CFAP54: variants seen among roughly 807,000 people sequenced by gnomAD.
CFAP54 encodes the protein cilia and flagella associated protein 54, also known as cilia- and flagella-associated protein 54.
Under a neutral mutation model 370.4 loss-of-function variants are expected in CFAP54, and 290 were observed. That is an observed-to-expected ratio of 0.78 (90% confidence interval 0.71 to 0.86). The LOEUF (loss-of-function observed/expected upper bound fraction) is 0.86. Among genes scored for constraint, CFAP54 ranks in the 40% least tolerant of loss-of-function variants. The pLI is 0.00. For missense variants in CFAP54, 3,399 were observed against 3,528.7 expected (o/e 0.96, Z 0.93); for synonymous variants, 1,206 against 1,236.5 (o/e 0.98, Z 0.52).
At chr12:96,627,772 A>T (rs993022037) in intron 30 of CFAP54, among the ~76,000 whole-genome samples, 2 of 152,246 alleles carry the variant, frequency 1.3e-5, no homozygotes, top group Non-Finnish European at 1.5e-5. Flanking sequence ...GTTCTATTAA[A>T]TTTTTTAAAA....
At chr12:96,730,832 C>T (rs1400198197) in intron 50 of CFAP54, among the ~76,000 whole-genome samples, 1 of 152,178 alleles carries the variant, frequency 6.6e-6, no homozygotes, top group East Asian at 1.9e-4. Context: ...AGCCTACAAG[C>T]TTTGACTGAA....
chr12:96,671,655 C>T (rs915134914), intron 39 of CFAP54, among the ~76,000 whole-genome samples: 52 of 152,302 alleles, frequency 3.4e-4, no homozygotes, highest in African/African-American at 1.1e-3. Flanking sequence ...GGCGTGGTGG[C>T]TTACGCCTGT....
chr12:96,686,239 A>G (rs1224702567), intron 42 of CFAP54, among the ~76,000 whole-genome samples: 2 of 152,144 alleles, frequency 1.3e-5, no homozygotes, highest in Non-Finnish European at 2.9e-5. Context: ...GCATGTCAAT[A>G]TCCTAATCTC....
chr12:96,679,789 A>T (rs950286912), intron 40 of CFAP54, 37 bp downstream of exon 40: 4 of 1,599,368 alleles, frequency 2.5e-6, no homozygotes, highest in African/African-American at 2.7e-5. Flanking sequence ...ATCTTTCTTT[A>T]TGTGGGGTGA....
At chr12:96,701,646 T>C (rs1487220304) in intron 46 of CFAP54, among the ~76,000 whole-genome samples, 1 of 151,980 alleles carries the variant, frequency 6.6e-6, no homozygotes, top group African/African-American at 2.4e-5. Flanking sequence ...TTGAGGGAAG[T>C]GAGCCATGGA....
intron 19 of CFAP54, among the ~76,000 whole-genome samples, chr12:96,570,772 G>T (rs372195155): frequency 6.6e-5 from 10 of 152,238 alleles, no homozygotes; most frequent in African/African-American, 2.2e-4. Context: ...TTTTCATTCA[G>T]TTTTGTCATA....
At position 96,851,606 on chromosome 12, in the gene CFAP54, A is replaced by G. The variant is rs149119281; in HGVS notation, c.9172-9213A>G. Among the ~76,000 whole-genome samples, 878 of 152,206 alleles carry G rather than the reference A, an allele frequency of 5.8e-3. 9 individuals are homozygous for G. Among genetic ancestry groups the G allele is most frequent in the African/African-American group, 0.02 (828 of 41,582 alleles). On this transcript the variant is annotated intron_variant, in intron 66 of 67. Transcript: ENST00000524981. ...TAAGAGAATCTGATAAAGTGGCTGG[A>G]TATAAAAATTAATAATTTCTTTCTT...
At chr12:96,820,509 CT>C (rs1959020452) in intron 65 of CFAP54, among the ~76,000 whole-genome samples, 1 of 152,080 alleles carries the variant, frequency 6.6e-6, no homozygotes, top group Non-Finnish European at 1.5e-5. Flanking sequence ...TACAGTTAGC[CT>C]TTGCAAAATG....
At chr12:96,490,617 G>A (rs1486718806) in intron 1 of CFAP54, among the ~76,000 whole-genome samples, 2 of 152,042 alleles carry the variant, frequency 1.3e-5, no homozygotes, top group African/African-American at 4.8e-5. Flanking sequence ...GCTTGAACCC[G>A]GGAGGCAGAG....
chr12:96,574,970 T>C (rs190874994), intron 19 of CFAP54, among the ~76,000 whole-genome samples: 3 of 152,290 alleles, frequency 2.0e-5, no homozygotes, highest in African/African-American at 7.2e-5. Flanking sequence ...ATTTAAAATA[T>C]TTTGTTTATG....
At chr12:96,793,339 C>T (rs1958722947) in intron 63 of CFAP54, among the ~76,000 whole-genome samples, 1 of 152,184 alleles carries the variant, frequency 6.6e-6, no homozygotes, top group Non-Finnish European at 1.5e-5. Context: ...TCTCCAATTC[C>T]ATCCAGGTTG....
At chr12:96,703,194 T>C (rs1224493862) in intron 46 of CFAP54, among the ~76,000 whole-genome samples, 1 of 152,190 alleles carries the variant, frequency 6.6e-6, no homozygotes, top group African/African-American at 2.4e-5. Flanking sequence ...AATAGTGTCC[T>C]TGGGAAGTGA....
chr12:96,722,384 A>G (rs1957767209), intron 50 of CFAP54, among the ~76,000 whole-genome samples: 1 of 152,214 alleles, frequency 6.6e-6, no homozygotes, highest in African/African-American at 2.4e-5. Flanking sequence ...AGAATTATCC[A>G]TGCAAATATC....
At chr12:96,492,120 G>A (rs941948348) in intron 1 of CFAP54, among the ~76,000 whole-genome samples, 2 of 152,120 alleles carry the variant, frequency 1.3e-5, no homozygotes, top group African/African-American at 4.8e-5. Context: ...TCCACTACCA[G>A]CGTTCCAGTC....
rs927416795 is a variant in CFAP54, at chr12:96,817,767, A to G, written c.8958-8A>G. 2 of 1,443,506 alleles carry G rather than the reference A, an allele frequency of 1.4e-6. No individual in the cohort carries two copies. 89.4% of individuals were successfully genotyped at this position (1,443,506 alleles called of 1,614,324 possible). A position where few individuals can be genotyped will look rare whatever the true frequency, so the allele number is the denominator to read the frequency against. ...CAAATAAAATACATATATATTTGTT[A>G]TTTTCAGGGTTATTGCAATTCATGA... On this transcript the variant is annotated splice_polypyrimidine_tract_variant and splice_region_variant and intron_variant, in intron 64 of 67. Transcript: ENST00000524981.
chr12:96,503,781 T>A (rs1955058932), intron 2 of CFAP54, 105 bp from the exon 3 acceptor site: 1 of 1,004,618 alleles, frequency 1.0e-6, no homozygotes, highest in African/African-American at 1.7e-5. Context: ...ATGGTATAAT[T>A]GTAATAATCA....
intron 32 of CFAP54, among the ~76,000 whole-genome samples, chr12:96,637,710 A>G (rs1461692343): frequency 2.6e-5 from 4 of 152,232 alleles, no homozygotes; most frequent in Admixed American, 2.6e-4. Flanking sequence ...AACCAAAAAG[A>G]TTCTATACAT....
At chr12:96,540,787 A>T in intron 13 of CFAP54, 50 bp from the exon 14 acceptor site, 1 of 1,200,936 alleles carries the variant, frequency 8.3e-7, no homozygotes, top group Non-Finnish European at 1.1e-6. Flanking sequence ...GACTGTTTCT[A>T]CAGTTTCATA....
Position 96,630,638 on chromosome 12 carries a change from G to A in CFAP54, c.4303G>A (p.Val1435Met), listed in dbSNP as rs911325221. Reference protein sequence around the residue: ...IFKNPAISEMVAHERNRRTSV... With the variant: ...IFKNPAISEMMAHERNRRTSV... ...TAAAAATCCGGCTATTTCTGAAATG[G>A]TGGCACATGAAAGGTATTCACTAAT... is the stretch of plus-strand genomic sequence containing the variant. The change falls in exon 32 of 68, where the codon GTG becomes ATG. Residue 1435 changes from valine to methionine, a missense_variant. Val to Met is a conservative substitution (Grantham distance 21, BLOSUM62 1). Around this residue, in one of 3 missense-constraint regions of CFAP54, gnomAD observed 2,796 missense variants for 2,869.7 expected, o/e 0.97. Transcript: ENST00000524981. The A allele has an allele frequency of 1.3e-6, 2 of 1,491,764 alleles. No individual in the cohort carries two copies. The highest frequency in any genetic ancestry group is 2.3e-5 in the Admixed American group (1 of 43,294). 92.4% of individuals were successfully genotyped at this position (1,491,764 alleles called of 1,614,324 possible).
Sources: allele counts gnomAD v4.1 joint callset (sites outside exome capture counted in the v4.1 genomes callset), GRCh38; gene constraint gnomAD v4.1.1; regional missense constraint gnomAD v4.1.1; transcripts MANE v1.5; gene names NCBI Gene and HGNC (gene_info 2026-07-23, HGNC 2026-07-21).